The following ST3GAL1 variants were observed in gnomAD, a reference collection of about 807,000 sequenced individuals.
ST3GAL1 encodes ST3 beta-galactoside alpha-2,3-sialyltransferase 1.
A neutral mutation model predicts 34.1 loss-of-function variants in ST3GAL1; 16 were observed. The observed-to-expected ratio is 0.47, with a 90% CI of 0.32 to 0.71. The LOEUF (loss-of-function observed/expected upper bound fraction) is 0.71. Ranked by LOEUF, ST3GAL1 falls within the 30% of genes least tolerant of loss-of-function variation. The pLI, the probability that ST3GAL1 is intolerant of heterozygous loss-of-function variation, is 0.04. For synonymous variants in ST3GAL1, 191 were observed against 184.7 expected (o/e 1.03, Z -0.28); for missense variants, 353 against 447.4 (o/e 0.79, Z 1.90).
Position 133,540,842 on chromosome 8 carries a change from C to CAT in ST3GAL1, c.-429+4930_-429+4931dup, listed in dbSNP as rs762925590. Among the ~76,000 whole-genome samples the CAT allele has an allele frequency of 2.6e-3, 207 of 78,584 alleles. 18 individuals carry two copies. The highest frequency in any genetic ancestry group is 9.4e-3 in the African/African-American group (197 of 20,894). 51.6% of individuals were successfully genotyped at this position (78,584 alleles called of 152,430 possible). On this transcript the variant is annotated intron_variant, in intron 2 of 9. Transcript: ENST00000522652. ...ATATATAGACATATATATAGAGAGA[C>CAT]ATATATATAGAGACATATATATAGA... is the stretch of plus-strand genomic sequence containing the variant.
At chr8:133,529,888 C>T (rs1818092790) in intron 2 of ST3GAL1, among the ~76,000 whole-genome samples, 1 of 152,204 alleles carries the variant, frequency 6.6e-6, no homozygotes, top group Non-Finnish European at 1.5e-5. Context: ...CTCAGTGTTG[C>T]TGACCCCGGG....
intron 3 of ST3GAL1, among the ~76,000 whole-genome samples, chr8:133,488,602 G>C (rs925627199): frequency 1.3e-5 from 2 of 152,208 alleles, no homozygotes; most frequent in African/African-American, 4.8e-5. Context: ...ACACAAATAT[G>C]GGATAGGCTC....
At chr8:133,549,836 C>G (rs1231672502) in intron 1 of ST3GAL1, among the ~76,000 whole-genome samples, 1 of 152,154 alleles carries the variant, frequency 6.6e-6, no homozygotes, top group African/African-American at 2.4e-5. Flanking sequence ...GTGGTGCATG[C>G]CTGTAATCCC....
At position 133,551,565 on chromosome 8, in the gene ST3GAL1, A is replaced by AG. The variant is rs1491493968; in HGVS notation, c.-581-5640dup. Among the ~76,000 whole-genome samples the AG allele has an allele frequency of 7.7e-4, 113 of 146,900 alleles. 1 individual carries two copies. Among genetic ancestry groups the AG allele is most frequent in the African/African-American group, 2.8e-3 (109 of 39,074 alleles). ...AGGAAAGAAAGAAAGAAAGAAAGAA[A>AG]GAAAGAAAGAAAGAAAGAAAGAAAG... On this transcript the variant is annotated intron_variant, in intron 1 of 9. Coordinates refer to ENST00000522652, the MANE Select transcript of ST3GAL1 (RefSeq NM_173344.3).
At chr8:133,497,111 C>T (rs1396136731) in intron 3 of ST3GAL1, among the ~76,000 whole-genome samples, 2 of 152,210 alleles carry the variant, frequency 1.3e-5, no homozygotes, top group Non-Finnish European at 2.9e-5. Flanking sequence ...CTGTCAGCCA[C>T]TGCACCCCTA....
At chr8:133,548,005 C>T (rs1176041753) in intron 1 of ST3GAL1, among the ~76,000 whole-genome samples, 2 of 152,166 alleles carry the variant, frequency 1.3e-5, no homozygotes, top group Non-Finnish European at 2.9e-5. Flanking sequence ...GTTCTGGAAA[C>T]CATGTGTGGT....
At chr8:133,482,802 C>T (rs1816445150) in intron 3 of ST3GAL1, among the ~76,000 whole-genome samples, 1 of 152,244 alleles carries the variant, frequency 6.6e-6, no homozygotes, top group Non-Finnish European at 1.5e-5. Flanking sequence ...AGAATGACTC[C>T]TTTCTGAACT....
In ST3GAL1 at chr8:133,517,374, G is replaced by C. The variant is rs146418146; in HGVS notation, c.-428-18185C>G. Among the ~76,000 whole-genome samples the C allele has an allele frequency of 7.2e-3, 1,093 of 152,118 alleles. 18 individuals are homozygous for C. Among genetic ancestry groups the C allele is most frequent in the African/African-American group, 0.025 (1,046 of 41,466 alleles). On this transcript the variant is annotated intron_variant, in intron 2 of 9. Coordinates refer to ENST00000522652, the MANE Select transcript of ST3GAL1 (RefSeq NM_173344.3). ...TTATTTTATTATTTTTTTTGAGACA[G>C]AGTCTCACTCTCTCACCCAGGCTGG...
rs1273581620 is a variant in ST3GAL1, at chr8:133,471,053, C to T, written c.306+4666G>A. On this transcript the variant is annotated intron_variant, in intron 5 of 9. Coordinates refer to ENST00000522652, the MANE Select transcript of ST3GAL1 (RefSeq NM_173344.3). Reference sequence around the variant, plus strand: ...CCACGGCCAATGAATGATGCATCGCCTTCTGAGAAGCCTCCCTTGGACCCT... The same window carrying T: ...CCACGGCCAATGAATGATGCATCGCTTTCTGAGAAGCCTCCCTTGGACCCT... 5.9e-5 allele frequency among the ~76,000 whole-genome samples: 9 copies of T among 152,158 alleles called. No homozygotes were observed. The South Asian group carries it at 1.4e-3, about 24-fold the overall frequency.
chr8:133,511,752 G>A (rs1217729840), intron 2 of ST3GAL1, among the ~76,000 whole-genome samples: 2 of 152,148 alleles, frequency 1.3e-5, no homozygotes, highest in African/African-American at 4.8e-5. Flanking sequence ...TATATATAAA[G>A]GGGAGTTTAT....
At chr8:133,549,817 C>T (rs1038129154) in intron 1 of ST3GAL1, among the ~76,000 whole-genome samples, 11 of 152,078 alleles carry the variant, frequency 7.2e-5, no homozygotes, top group Non-Finnish European at 1.3e-4. Flanking sequence ...ACAAAATTAG[C>T]CAGGCATGGT....
chr8:133,470,792 C>G lies in ST3GAL1; in HGVS notation c.307-4702G>C, dbSNP rs979338870. On this transcript the variant is annotated intron_variant, in intron 5 of 9. Coordinates refer to ENST00000522652, the MANE Select transcript of ST3GAL1 (RefSeq NM_173344.3). ...CGGGCAAGTGGGATAAGGAGGCCCA[C>G]TCATGCCCAGGGGCACGGCCCGAGA... 1.8e-4 allele frequency among the ~76,000 whole-genome samples: 28 copies of G among 152,184 alleles called. 1 individual carries two copies. Among genetic ancestry groups the G allele is most frequent in the Non-Finnish European group, 1.5e-5 (1 of 68,028 alleles).
intron 3 of ST3GAL1, among the ~76,000 whole-genome samples, chr8:133,483,285 T>C (rs12674539): frequency 0.13 from 20,263 of 152,164 alleles, 2,126 homozygotes; most frequent in East Asian, 0.59. Context: ...GAGGTTGCAG[T>C]GAGCTGAGAT....
chr8:133,479,187 C>T (rs573543102), intron 3 of ST3GAL1, among the ~76,000 whole-genome samples: 1 of 151,550 alleles, frequency 6.6e-6, no homozygotes, highest in South Asian at 2.1e-4. Context: ...CTGGTCCTTG[C>T]GTTCTCCAGG....
chr8:133,540,726 GACAT>G (rs1818442114), intron 2 of ST3GAL1, among the ~76,000 whole-genome samples: 1 of 86,778 alleles, frequency 1.2e-5, no homozygotes, highest in African/African-American at 7.3e-5. Flanking sequence ...TATATATATA[GACAT>G]ATATATATAT....
chr8:133,489,463 C>T (rs1388540321), intron 3 of ST3GAL1: 1 of 152,570 alleles, frequency 6.6e-6, no homozygotes, highest in Non-Finnish European at 1.5e-5. Context: ...GAGCCCTGGC[C>T]TCCCCTCCAC....
intron 3 of ST3GAL1, among the ~76,000 whole-genome samples, chr8:133,487,229 A>C (rs1285913783): frequency 6.6e-6 from 1 of 152,124 alleles, no homozygotes; most frequent in Non-Finnish European, 1.5e-5. Context: ...ATGAGCTACC[A>C]CACCGTACAA....
chr8:133,503,061 C>T (rs1817232943), intron 2 of ST3GAL1, among the ~76,000 whole-genome samples: 1 of 152,182 alleles, frequency 6.6e-6, no homozygotes, highest in Non-Finnish European at 1.5e-5. Flanking sequence ...CACCCTGGAC[C>T]TTAAACTGAG....
At chr8:133,518,085 C>T (rs1365624004) in intron 2 of ST3GAL1, among the ~76,000 whole-genome samples, 1 of 152,214 alleles carries the variant, frequency 6.6e-6, no homozygotes, top group African/African-American at 2.4e-5. Flanking sequence ...ATATATGAAA[C>T]TGACTCCTGG....
Sources: gnomAD v4.1 joint callset for allele counts (sites outside exome capture counted in the v4.1 genomes callset) on GRCh38, gnomAD v4.1.1 for gene constraint, MANE v1.5 for transcripts, NCBI Gene and HGNC (gene_info 2026-07-23, HGNC 2026-07-21) for gene names.